Variants in MAGI1 observed in about 807,000 individuals in gnomAD.
MAGI1 encodes membrane-associated guanylate kinase, WW and PDZ domain-containing protein 1.
MAGI1 carries 58 observed loss-of-function variants against 139.9 expected under a neutral mutation model. That is an observed-to-expected ratio of 0.41 (90% CI 0.34 to 0.52). The LOEUF (loss-of-function observed/expected upper bound fraction) is 0.52, where lower values mean the gene tolerates loss of function less well. MAGI1 is among the 20% of genes least tolerant of loss of function. The pLI, the probability that MAGI1 is intolerant of heterozygous loss-of-function variation, is 0.12. For synonymous variants in MAGI1, 812 were observed against 737.9 expected (o/e 1.10, Z -1.63); for missense variants, 1,874 against 1,901.6 (o/e 0.99, Z 0.27).
At chr3:65,419,552 C>G (rs1056671938) in intron 12 of MAGI1, among the ~76,000 whole-genome samples, 45 of 152,136 alleles carry the variant, frequency 3.0e-4, no homozygotes, top group African/African-American at 1.1e-3. Flanking sequence ...CCACCAAACC[C>G]CAGATTCCAG....
chr3:65,785,168 T>A (rs891585613), intron 1 of MAGI1, among the ~76,000 whole-genome samples: 1 of 152,234 alleles, frequency 6.6e-6, no homozygotes, highest in Non-Finnish European at 1.5e-5. Context: ...GTATCCCATA[T>A]GTATTCATGA....
intron 1 of MAGI1, among the ~76,000 whole-genome samples, chr3:65,886,376 C>T (rs147175853): frequency 9.1e-4 from 139 of 152,044 alleles, no homozygotes; most frequent in African/African-American, 3.2e-3. Flanking sequence ...CTCAAATAAG[C>T]GTGTCTCAAG....
chr3:65,440,630 T>G (rs553871237), intron 8 of MAGI1, among the ~76,000 whole-genome samples: 1 of 152,164 alleles, frequency 6.6e-6, no homozygotes, highest in East Asian at 1.9e-4. Context: ...AGAACTCCAC[T>G]CACATCTGTT....
chr3:65,827,016 T>C (rs2042265387), intron 1 of MAGI1, among the ~76,000 whole-genome samples: 1 of 149,794 alleles, frequency 6.7e-6, no homozygotes, highest in Non-Finnish European at 1.5e-5. Flanking sequence ...GCTCCAACAA[T>C]GTTTCCTTAT....
chr3:65,976,297 G>A (rs2065262295), intron 1 of MAGI1, among the ~76,000 whole-genome samples: 1 of 152,170 alleles, frequency 6.6e-6, no homozygotes, highest in African/African-American at 2.4e-5. Context: ...AGTGGGATGA[G>A]GGATGCTAAG....
chr3:65,822,919 C>T (rs1012457064), intron 1 of MAGI1, among the ~76,000 whole-genome samples: 32 of 152,154 alleles, frequency 2.1e-4, no homozygotes, highest in Non-Finnish European at 3.5e-4. Flanking sequence ...CTGGGGATTA[C>T]AATTTGACAT....
intron 1 of MAGI1, among the ~76,000 whole-genome samples, chr3:65,626,925 G>A (rs1000622782): frequency 6.6e-6 from 1 of 152,174 alleles, no homozygotes; most frequent in African/African-American, 2.4e-5. Flanking sequence ...CAAGGGCAGT[G>A]AGCCAATAAA....
rs961801871 is a variant in MAGI1, at chr3:65,632,253, C to T, written c.314-10165G>A. ...AAGAAATTCAGCATCACTCAACTGA[C>T]AATTACAGTGTCAAAATGAGACTAA... On this transcript the variant is annotated intron_variant, in intron 1 of 22. Coordinates refer to ENST00000402939, the MANE Select transcript of MAGI1 (RefSeq NM_001033057.2). Among the ~76,000 whole-genome samples, 12 of 152,256 alleles carry T rather than the reference C, an allele frequency of 7.9e-5. 1 individual carries two copies. Among genetic ancestry groups the T allele is most frequent in the Admixed American group, 5.2e-4 (8 of 15,298 alleles).
At chr3:65,761,102 G>A (rs2036988847) in intron 1 of MAGI1, among the ~76,000 whole-genome samples, 1 of 152,188 alleles carries the variant, frequency 6.6e-6, no homozygotes, top group Non-Finnish European at 1.5e-5. Context: ...CCACAGGATA[G>A]ATGCAGCTGA....
rs886304468 is a variant in MAGI1 at position 65,876,560 on chromosome 3, T to C, written c.313+161436A>G. Among the ~76,000 whole-genome samples the C allele has an allele frequency of 2.6e-5, 4 of 151,918 alleles. No homozygotes were observed. The South Asian group carries it at 6.2e-4, about 24-fold the overall frequency. The stretch of plus-strand genomic sequence containing the variant: ...CCTAAAATTGAAATCACAATAAATA[T>C]AAATATGAACATATCATTTCTAAAT... On this transcript the variant is annotated intron_variant, in intron 1 of 22. Transcript: ENST00000402939.
chr3:65,578,621 A>G (rs894974035), intron 2 of MAGI1, among the ~76,000 whole-genome samples: 15 of 152,172 alleles, frequency 9.9e-5, no homozygotes, highest in Admixed American at 5.9e-4. Flanking sequence ...AAGTCTCTCA[A>G]TGAGAACAGA....
intron 1 of MAGI1, among the ~76,000 whole-genome samples, chr3:65,963,255 T>C (rs907613508): frequency 1.4e-5 from 2 of 143,520 alleles, no homozygotes; most frequent in Non-Finnish European, 3.0e-5. Flanking sequence ...GAGGTTGCAG[T>C]GAGTCGAGAG....
chr3:65,859,894 G>T (rs79833399), intron 1 of MAGI1, among the ~76,000 whole-genome samples: 12 of 146,714 alleles, frequency 8.2e-5, no homozygotes, highest in African/African-American at 2.0e-4. Flanking sequence ...TTTTTTGTTT[G>T]TTTTTGTTTT....
chr3:65,654,311 T>C (rs375279929), intron 1 of MAGI1, among the ~76,000 whole-genome samples: 2 of 152,256 alleles, frequency 1.3e-5, no homozygotes, highest in East Asian at 1.9e-4. Flanking sequence ...ATCAATCATC[T>C]CTAAGGTTTT....
In MAGI1 at chr3:65,530,667, A is replaced by G. The variant is rs1367658300; in HGVS notation, c.431-37036T>C. On this transcript the variant is annotated intron_variant, in intron 2 of 22. Coordinates refer to ENST00000402939, the MANE Select transcript of MAGI1 (RefSeq NM_001033057.2). ...TGTGTGTGTGTGTGTGTGTGTATAT[A>G]TATATACATATATATATACGTGTAT... 4.9e-4 allele frequency among the ~76,000 whole-genome samples: 68 copies of G among 138,366 alleles called. 2 individuals are homozygous for G. Among genetic ancestry groups the G allele is most frequent in the African/African-American group, 1.5e-3 (56 of 36,666 alleles). 90.8% of individuals were successfully genotyped at this position (138,366 alleles called of 152,430 possible). A position where few individuals can be genotyped will look rare whatever the true frequency, so the allele number is the denominator to read the frequency against.
chr3:65,982,126 A>G (rs532099093), intron 1 of MAGI1, among the ~76,000 whole-genome samples: 1 of 152,298 alleles, frequency 6.6e-6, no homozygotes, highest in East Asian at 1.9e-4. Context: ...CTGCAGTGCC[A>G]TTTTGACCAG....
At chr3:65,508,700 G>T (rs1003467186) in intron 2 of MAGI1, among the ~76,000 whole-genome samples, 1 of 152,146 alleles carries the variant, frequency 6.6e-6, no homozygotes, top group South Asian at 2.1e-4. Context: ...CAATGAATCT[G>T]TATTAGAGAT....
At chr3:65,918,379 AT>A (rs34906725) in intron 1 of MAGI1, among the ~76,000 whole-genome samples, 110 of 128,674 alleles carry the variant, frequency 8.5e-4, no homozygotes, top group East Asian at 5.0e-3. Flanking sequence ...GCTCCAAAAC[AT>A]TTTTTTTTTT....
chr3:65,354,439 T>A lies in MAGI1; in HGVS notation c.*1939A>T, dbSNP rs557226097. On this transcript the variant is annotated 3_prime_UTR_variant, in exon 23 of 23. Transcript: ENST00000402939. ...AAAGCTATGAACAATGTAATATTTATATATGCATAGTGTTTTATAAAAAGA... is the reference window on the plus strand; with the variant it reads ...AAAGCTATGAACAATGTAATATTTAAATATGCATAGTGTTTTATAAAAAGA... 7 of 152,788 alleles carry A rather than the reference T, an allele frequency of 4.6e-5. No homozygotes were observed. The East Asian group carries it at 1.2e-3, about 25-fold the overall frequency. 9.5% of individuals were successfully genotyped at this position (152,788 alleles called of 1,614,324 possible).
Sources: allele counts gnomAD v4.1 joint callset (sites outside exome capture counted in the v4.1 genomes callset), GRCh38; gene constraint gnomAD v4.1.1; transcripts MANE v1.5; gene names NCBI Gene and HGNC (gene_info 2026-07-23, HGNC 2026-07-21).